The following PRKG1 variants were observed in gnomAD, a reference collection of about 807,000 sequenced individuals.
PRKG1 encodes the protein protein kinase cGMP-dependent 1, also known as cGMP-dependent protein kinase 1.
A neutral mutation model predicts 88.1 loss-of-function variants in PRKG1; 35 were observed. The ratio of observed to expected loss-of-function variants is 0.40; its 90% confidence interval spans 0.30 to 0.53. The LOEUF (loss-of-function observed/expected upper bound fraction) is 0.53, where lower values mean the gene tolerates loss of function less well. Among genes scored for constraint, PRKG1 ranks in the 20% least tolerant of loss-of-function variants. The pLI is 0.59. For synonymous variants in PRKG1, 303 were observed against 292.5 expected (o/e 1.04, Z -0.37); for missense variants, 540 against 839.8 (o/e 0.64, Z 4.41).
intron 5 of PRKG1, among the ~76,000 whole-genome samples, chr10:52,009,614 A>C (rs1844830729): frequency 6.6e-6 from 1 of 152,200 alleles, no homozygotes; most frequent in Non-Finnish European, 1.5e-5. Flanking sequence ...AAGTGTACAG[A>C]TTCAATGCTA....
intron 2 of PRKG1, among the ~76,000 whole-genome samples, chr10:51,163,727 C>T (rs191450458): frequency 7.2e-5 from 11 of 152,308 alleles, no homozygotes; most frequent in South Asian, 2.1e-4. Context: ...TAAAAAACGG[C>T]GCACCAGGAG....
chr10:51,473,567 G>A (rs1358179602), intron 3 of PRKG1, among the ~76,000 whole-genome samples: 2 of 151,792 alleles, frequency 1.3e-5, no homozygotes, highest in East Asian at 3.9e-4. Context: ...GTCAAAGAAA[G>A]GCAATAAACT....
At position 52,101,985 on chromosome 10, in the gene PRKG1, C is replaced by T. The variant is rs147306867; in HGVS notation, c.936-31855C>T. Among the ~76,000 whole-genome samples the T allele has an allele frequency of 3.5e-3, 527 of 152,146 alleles. 2 individuals carry two copies. Among genetic ancestry groups the T allele is most frequent in the African/African-American group, 0.012 (513 of 41,492 alleles). The stretch of plus-strand genomic sequence containing the variant: ...AAGTCAAGTTTATGATCAGGACTGC[C>T]CTTCTCTATAAAGATGCTAAACCCT... On this transcript the variant is annotated intron_variant, in intron 7 of 17. Transcript: ENST00000373980.
intron 5 of PRKG1, among the ~76,000 whole-genome samples, chr10:51,977,814 G>T (rs1011541487): frequency 2.6e-5 from 4 of 151,814 alleles, no homozygotes; most frequent in Admixed American, 6.6e-5. Context: ...TTTTAATGGG[G>T]TCATTTACTT....
At chr10:51,314,340 A>G (rs1841267261) in intron 2 of PRKG1, among the ~76,000 whole-genome samples, 1 of 152,190 alleles carries the variant, frequency 6.6e-6, no homozygotes, top group South Asian at 2.1e-4. Context: ...GATTCCTGAA[A>G]TGCTGGAGTT....
chr10:51,023,639 T>C (rs1326187680), intron 1 of PRKG1, among the ~76,000 whole-genome samples: 1 of 152,202 alleles, frequency 6.6e-6, no homozygotes, highest in Admixed American at 6.5e-5. Context: ...ATTAATCACT[T>C]AAAGCACACA....
chr10:51,156,471 C>T (rs905441708), intron 2 of PRKG1, among the ~76,000 whole-genome samples: 2 of 151,902 alleles, frequency 1.3e-5, no homozygotes, highest in Admixed American at 6.6e-5. Context: ...CTAAACAGCA[C>T]GTTATCTTAA....
chr10:51,734,266 T>G (rs984013877), intron 3 of PRKG1, among the ~76,000 whole-genome samples: 1 of 152,148 alleles, frequency 6.6e-6, no homozygotes, highest in Non-Finnish European at 1.5e-5. Flanking sequence ...TGGGTGATAA[T>G]GGCTTGCATC....
intron 4 of PRKG1, among the ~76,000 whole-genome samples, chr10:51,841,710 T>A (rs950741489): frequency 6.6e-6 from 1 of 151,792 alleles, no homozygotes; most frequent in Non-Finnish European, 1.5e-5. Flanking sequence ...TGATACAGAG[T>A]CTCGCTCTGT....
At chr10:52,165,698 A>G (rs1838415415) in intron 9 of PRKG1, among the ~76,000 whole-genome samples, 1 of 152,202 alleles carries the variant, frequency 6.6e-6, no homozygotes, top group Non-Finnish European at 1.5e-5. Flanking sequence ...TTTGTTATCC[A>G]TAGTCTCATT....
intron 2 of PRKG1, among the ~76,000 whole-genome samples, chr10:51,467,269 T>G (rs10997653): frequency 2.6e-5 from 4 of 151,708 alleles, no homozygotes; most frequent in Non-Finnish European, 5.9e-5. Flanking sequence ...AAAGATACCA[T>G]GAGCAGAATT....
At chr10:51,370,265 C>T (rs897733394) in intron 2 of PRKG1, among the ~76,000 whole-genome samples, 1 of 152,084 alleles carries the variant, frequency 6.6e-6, no homozygotes, top group South Asian at 2.1e-4. Context: ...TTGTTCCCCA[C>T]AGGTACTTTT....
chr10:52,273,385 C>G (rs552405230), intron 12 of PRKG1, among the ~76,000 whole-genome samples: 6 of 151,970 alleles, frequency 3.9e-5, no homozygotes, highest in Non-Finnish European at 7.4e-5. Flanking sequence ...TTGTTTGAGT[C>G]CTGCCTCCCA....
At chr10:52,099,434 ACTTTGT>A (rs1190797820) in intron 7 of PRKG1, among the ~76,000 whole-genome samples, 1 of 152,192 alleles carries the variant, frequency 6.6e-6, no homozygotes, top group Admixed American at 6.5e-5. Flanking sequence ...TAGAAAGACC[ACTTTGT>A]CTTAGCATCA....
chr10:51,965,084 T>C (rs1340332650), intron 5 of PRKG1, among the ~76,000 whole-genome samples: 1 of 152,142 alleles, frequency 6.6e-6, no homozygotes, highest in Non-Finnish European at 1.5e-5. Flanking sequence ...GCTCAAAAAT[T>C]TTTTAAATTT....
At chr10:51,908,346 T>C (rs914387617) in intron 5 of PRKG1, 4 of 152,120 alleles carry the variant, frequency 2.6e-5, no homozygotes, top group Non-Finnish European at 5.9e-5. Flanking sequence ...AATAGAGAGA[T>C]TAACAGGAGA....
In PRKG1 at chr10:51,670,747, AATAAATAAAT is replaced by A. The variant is rs1266941976; in HGVS notation, c.593-133836_593-133827del. 7.3e-4 allele frequency among the ~76,000 whole-genome samples: 53 copies of A among 72,580 alleles called. 1 individual carries two copies. Among genetic ancestry groups the A allele is most frequent in the African/African-American group, 2.7e-3 (49 of 18,200 alleles). 47.6% of individuals were successfully genotyped at this position (72,580 alleles called of 152,430 possible). A position where few individuals can be genotyped will look rare whatever the true frequency, so the allele number is the denominator to read the frequency against. On this transcript the variant is annotated intron_variant, in intron 3 of 17. Transcript: ENST00000373980. ...CGAGACTCCGTCTCAAAAAAAAATA[AATAAATAAAT>A]AAATAAATAAATAAATAAATAAATA...
intron 5 of PRKG1, among the ~76,000 whole-genome samples, chr10:51,992,401 T>C (rs1844335729): frequency 1.3e-5 from 2 of 152,172 alleles, no homozygotes; most frequent in Non-Finnish European, 1.5e-5. Flanking sequence ...ATCTTTAATG[T>C]ATTGTAAAAA....
intron 2 of PRKG1, among the ~76,000 whole-genome samples, chr10:51,408,804 C>G (rs1468548800): frequency 6.6e-6 from 1 of 152,152 alleles, no homozygotes; most frequent in East Asian, 1.9e-4. Flanking sequence ...TGAGTGGTGT[C>G]CATAGAATGG....
Sources: allele counts gnomAD v4.1 joint callset (sites outside exome capture counted in the v4.1 genomes callset), GRCh38; gene constraint gnomAD v4.1.1; transcripts MANE v1.5; gene names NCBI Gene and HGNC (gene_info 2026-07-23, HGNC 2026-07-21).